Variants in EGFLAM observed in about 807,000 individuals in gnomAD.
The protein encoded by EGFLAM is EGF like, fibronectin type III and laminin G domains, also known as pikachurin.
Under a neutral mutation model 113.1 loss-of-function variants are expected in EGFLAM, and 79 were observed. The observed-to-expected ratio is 0.70, with a 90% CI of 0.58 to 0.84. The LOEUF (loss-of-function observed/expected upper bound fraction) is 0.84. Among genes scored for constraint, EGFLAM ranks in the 40% least tolerant of loss-of-function variants. The pLI is 0.00. For missense variants in EGFLAM, 1,265 were observed against 1,291.6 expected, an observed-to-expected ratio of 0.98 and a Z score of 0.32; for synonymous variants, 504 against 487.6, an observed-to-expected ratio of 1.03 and a Z score of -0.44.
At chr5:38,446,628 A>G (rs1312184480) in intron 17 of EGFLAM, among the ~76,000 whole-genome samples, 1 of 152,162 alleles carries the variant, frequency 6.6e-6, no homozygotes, top group Non-Finnish European at 1.5e-5. Context: ...TTGCAGCCTC[A>G]GGCCCTCTTC....
intron 5 of EGFLAM, among the ~76,000 whole-genome samples, chr5:38,359,035 C>T (rs531148316): frequency 2.6e-5 from 4 of 152,234 alleles, no homozygotes; most frequent in Middle Eastern, 3.4e-3. Context: ...AATATAGCTA[C>T]CTATGTTTTG....
chr5:38,447,090 GGAAA>G (rs1742738155), intron 17 of EGFLAM, among the ~76,000 whole-genome samples: 1 of 152,090 alleles, frequency 6.6e-6, no homozygotes. Flanking sequence ...TTTCCAAAGA[GGAAA>G]GAGATATTGC....
chr5:38,275,187 G>T (rs1171313563), intron 1 of EGFLAM, among the ~76,000 whole-genome samples: 1 of 152,094 alleles, frequency 6.6e-6, no homozygotes, highest in East Asian at 1.9e-4. Context: ...AGATCTCCTA[G>T]AAAACAATTT....
At chr5:38,462,806 C>T (rs1032797172) in intron 20 of EGFLAM, 102 bp from the exon 21 acceptor site, 14 of 1,293,400 alleles carry the variant, frequency 1.1e-5, no homozygotes, top group Admixed American at 3.9e-5. Context: ...GTACCTGGCA[C>T]ATAGTGTGTC....
chr5:38,412,768 G>T, intron 11 of EGFLAM, 120 bp downstream of exon 11: 1 of 1,411,136 alleles, frequency 7.1e-7, no homozygotes, highest in East Asian at 2.5e-5. Flanking sequence ...GATGGGCTTG[G>T]TAAGGCCTAT....
intron 1 of EGFLAM, among the ~76,000 whole-genome samples, chr5:38,322,128 C>A (rs1378236475): frequency 1.3e-5 from 2 of 152,182 alleles, no homozygotes. Flanking sequence ...TTCATATGCA[C>A]ACGCATGGAC....
At chr5:38,444,963 T>A (rs1347101006) in intron 17 of EGFLAM, among the ~76,000 whole-genome samples, 1 of 152,164 alleles carries the variant, frequency 6.6e-6, no homozygotes, top group Non-Finnish European at 1.5e-5. Context: ...ATAATAATAG[T>A]AATGTTTACA....
At chr5:38,445,201 A>G (rs904706656) in intron 17 of EGFLAM, among the ~76,000 whole-genome samples, 3 of 152,056 alleles carry the variant, frequency 2.0e-5, no homozygotes, top group African/African-American at 7.2e-5. Flanking sequence ...AATGAGGGCG[A>G]TATTTTCCAC....
chr5:38,459,264 C>G (rs1375657864), intron 20 of EGFLAM, among the ~76,000 whole-genome samples: 1 of 151,922 alleles, frequency 6.6e-6, no homozygotes, highest in Non-Finnish European at 1.5e-5. Context: ...CTTGGCCTCC[C>G]AAAGTGTTGG....
intron 1 of EGFLAM, chr5:38,284,115 A>G (rs559616124): frequency 1.4e-4 from 22 of 152,348 alleles, no homozygotes; most frequent in African/African-American, 5.3e-4. Context: ...TGAAGGGGAG[A>G]TAGAGGAGAA....
At chr5:38,357,846 G>A (rs1396814024) in intron 5 of EGFLAM, among the ~76,000 whole-genome samples, 3 of 149,066 alleles carry the variant, frequency 2.0e-5, no homozygotes, top group Non-Finnish European at 4.4e-5. Context: ...ATTGTTAGGA[G>A]ATAGTCTAAC....
At chr5:38,380,521 T>A (rs1319517850) in intron 6 of EGFLAM, among the ~76,000 whole-genome samples, 1 of 152,162 alleles carries the variant, frequency 6.6e-6, no homozygotes, top group African/African-American at 2.4e-5. Context: ...AATGAGTCAG[T>A]GAGCTTCATG....
Position 38,406,926 on chromosome 5 carries a change from C to G in EGFLAM, c.927C>G (p.Ile309Met), listed in dbSNP as rs571951669. 6.2e-7 allele frequency: 1 copy of G among 1,614,158 alleles called. No homozygotes were observed. Among genetic ancestry groups the G allele is most frequent in the Admixed American group, 1.7e-5 (1 of 60,014 alleles). Reference protein sequence around the residue: ...ISNPKTISRLIPPTSASLPVT... With the variant: ...ISNPKTISRLMPPTSASLPVT... ...ACCCAAAGACCATTTCTAGGCTCAT[C>G]CCCCCTACCTCAGCATCTCTCCCTG... The change falls in exon 8 of 22, where the codon ATC (isoleucine) becomes ATG (methionine). Residue 309 changes from isoleucine to methionine, a missense_variant. Coordinates refer to ENST00000322350, the MANE Select transcript of EGFLAM (RefSeq NM_152403.4).
intron 6 of EGFLAM, among the ~76,000 whole-genome samples, chr5:38,373,309 G>GC (rs1489301583): frequency 6.6e-6 from 1 of 152,192 alleles, no homozygotes; most frequent in Non-Finnish European, 1.5e-5. Flanking sequence ...TGACTGTGAA[G>GC]CTGCTTCCCT....
At chr5:38,406,754 A>C in intron 7 of EGFLAM, 74 bp from the exon 8 acceptor site, 1 of 1,437,150 alleles carries the variant, frequency 7.0e-7, no homozygotes, top group Non-Finnish European at 9.5e-7. Flanking sequence ...AGTACTAGGC[A>C]ACAACTATAA....
At chr5:38,354,875 A>T (rs2111994506) in intron 5 of EGFLAM, among the ~76,000 whole-genome samples, 1 of 152,328 alleles carries the variant, frequency 6.6e-6, no homozygotes, top group African/African-American at 2.4e-5. Flanking sequence ...GTAAGGTAGA[A>T]ATGGCAGTTT....
At chr5:38,399,189 G>A (rs185150318) in intron 6 of EGFLAM, among the ~76,000 whole-genome samples, 106 of 152,206 alleles carry the variant, frequency 7.0e-4, no homozygotes, top group Non-Finnish European at 1.2e-3. Context: ...ACTATGCTAG[G>A]TGGAGAGGGA....
At chr5:38,304,735 C>G (rs1414772202) in intron 1 of EGFLAM, among the ~76,000 whole-genome samples, 1 of 152,116 alleles carries the variant, frequency 6.6e-6, no homozygotes, top group Non-Finnish European at 1.5e-5. Flanking sequence ...AACAGTGCCT[C>G]TAACATGAAA....
intron 5 of EGFLAM, among the ~76,000 whole-genome samples, chr5:38,356,351 C>T (rs1739761785): frequency 6.6e-6 from 1 of 152,188 alleles, no homozygotes; most frequent in African/African-American, 2.4e-5. Flanking sequence ...AAATGCAACC[C>T]TCATTGCAGA....
Sources: allele counts gnomAD v4.1 joint callset (sites outside exome capture counted in the v4.1 genomes callset), GRCh38; gene constraint gnomAD v4.1.1; transcripts MANE v1.5; gene names NCBI Gene and HGNC (gene_info 2026-07-23, HGNC 2026-07-21).